The following NOP9 variants were observed in gnomAD, a reference collection of about 807,000 sequenced individuals.
NOP9 encodes the protein NOP9 nucleolar protein.
NOP9 carries 50 observed loss-of-function variants against 63.0 expected under a neutral mutation model. The observed-to-expected ratio is 0.79, with a 90% CI of 0.63 to 1.00. NOP9 has a LOEUF of 1.00. Among genes scored for constraint, NOP9 ranks in the 50% least tolerant of loss-of-function variants. The probability of loss-of-function intolerance (pLI) is 0.00; values close to 1 mark genes in which losing one functional copy is unlikely to be tolerated. For synonymous variants in NOP9, 343 were observed against 332.8 expected (o/e 1.03, Z -0.33); for missense variants, 758 against 803.0 (o/e 0.94, Z 0.68).
At chr14:24,279,911 A>C in the NOP9 span, among the ~76,000 whole-genome samples, 1 of 152,196 alleles carries the variant, frequency 6.6e-6, no homozygotes, top group South Asian at 2.1e-4. Flanking sequence ...ACAAAGTGAG[A>C]CTGTGGGTCC....
At chr14:24,301,532 C>T (rs1412435544) in intron 2 of NOP9, 80 bp from the exon 3 acceptor site, 13 of 1,582,232 alleles carry the variant, frequency 8.2e-6, no homozygotes, top group Non-Finnish European at 1.1e-5. Flanking sequence ...AAGCGGAATC[C>T]TTGTTCATCT....
At chr14:24,281,946 G>A in the NOP9 span, among the ~76,000 whole-genome samples, 4 of 152,200 alleles carry the variant, frequency 2.6e-5, no homozygotes, top group Non-Finnish European at 4.4e-5. Flanking sequence ...AGTGGCTCAC[G>A]CCTGTAATCC....
In NOP9 at chr14:24,303,062, G is replaced by C. The variant is rs971420989; in HGVS notation, c.1144-12G>C. Reference sequence around the variant, plus strand: ...CCAGAATGCCAGAGTTACATTCCATGTTTCCCATCAGCTGTCCCCTGTGTT... The same window carrying C: ...CCAGAATGCCAGAGTTACATTCCATCTTTCCCATCAGCTGTCCCCTGTGTT... On this transcript the variant is annotated splice_polypyrimidine_tract_variant and intron_variant, in intron 5 of 9. Coordinates refer to ENST00000267425, the MANE Select transcript of NOP9 (RefSeq NM_174913.3). The C allele has an allele frequency of 6.6e-7, 1 of 1,507,814 alleles. No individual in the cohort carries two copies. The highest frequency in any genetic ancestry group is 1.4e-5 in the African/African-American group (1 of 69,820). The allele number at this position is 1,507,814 out of a possible 1,614,324, so 93.4% of individuals were successfully genotyped here.
chr14:24,276,455 T>A, the NOP9 span, among the ~76,000 whole-genome samples: 7 of 151,184 alleles, frequency 4.6e-5, no homozygotes, highest in South Asian at 4.2e-4. Flanking sequence ...CTGGCAAATT[T>A]AAAAAAAAAT....
At chr14:24,281,099 TGAGGGGAA>T in the NOP9 span, among the ~76,000 whole-genome samples, 4 of 152,130 alleles carry the variant, frequency 2.6e-5, no homozygotes, top group Non-Finnish European at 5.9e-5. Context: ...CAAAGAACAC[TGAGGGGAA>T]GAGGGGCAGG....
At position 24,306,560 on chromosome 14, in the gene NOP9, T is replaced by C. The variant is rs370762499; in HGVS notation, c.*1465T>C. On this transcript the variant is annotated 3_prime_UTR_variant, in exon 10 of 10. Transcript: ENST00000267425. ...CAAGAAGCAAGAAGGGCAGGTCTTA[T>C]CCCATGCCCCTTCCCTCTTTAGCTG... 1.9e-6 allele frequency: 3 copies of C among 1,613,264 alleles called. No individual in the cohort carries two copies. Among genetic ancestry groups the C allele is most frequent in the Non-Finnish European group, 1.7e-6 (2 of 1,179,226 alleles).
the NOP9 span, among the ~76,000 whole-genome samples, chr14:24,285,725 G>A: frequency 2.6e-5 from 4 of 152,208 alleles, no homozygotes; most frequent in East Asian, 7.7e-4. Flanking sequence ...AATTTATTAC[G>A]TGCCTGTAAT....
chr14:24,291,348 G>C, the NOP9 span: 1 of 1,155,320 alleles, frequency 8.7e-7, no homozygotes, highest in Non-Finnish European at 1.3e-6. Flanking sequence ...CTTTCTCTTG[G>C]GCCTTGGACT....
chr14:24,307,184 A>G lies in NOP9; in HGVS notation c.*2089A>G, dbSNP rs2041537294. On this transcript the variant is annotated 3_prime_UTR_variant, in exon 10 of 10. Transcript: ENST00000267425. ...CTCCTGCTAACCCCTGCTCCCATAG[A>G]AAAGCTCACTCGGTGGAAAATGAAC... is the stretch of plus-strand genomic sequence containing the variant. The G allele has an allele frequency of 3.5e-6, 2 of 573,752 alleles. No individual in the cohort carries two copies. The highest frequency in any genetic ancestry group is 1.9e-5 in the African/African-American group (1 of 52,820). 35.5% of individuals were successfully genotyped at this position (573,752 alleles called of 1,614,324 possible). A position where few individuals can be genotyped will look rare whatever the true frequency, so the allele number is the denominator to read the frequency against.
the NOP9 span, among the ~76,000 whole-genome samples, chr14:24,280,183 C>T: frequency 2.0e-5 from 3 of 152,314 alleles, no homozygotes; most frequent in East Asian, 1.9e-4. Context: ...GCTGTTTAAT[C>T]GAACTTTCTG....
chr14:24,301,231 A>C (rs1299081937), intron 2 of NOP9, among the ~76,000 whole-genome samples: 1 of 152,040 alleles, frequency 6.6e-6, no homozygotes, highest in Non-Finnish European at 1.5e-5. Flanking sequence ...TTTCAAAACT[A>C]TTCTGCTCTA....
chr14:24,303,617 G>A (rs2041418313), intron 6 of NOP9, 115 bp from the exon 7 acceptor site: 3 of 1,058,368 alleles, frequency 2.8e-6, no homozygotes, highest in Non-Finnish European at 4.3e-6. Context: ...TGCTTTCATG[G>A]AGCTAACATT....
At position 24,299,996 on chromosome 14, in the gene NOP9, G is replaced by A. The variant is rs1355406981; in HGVS notation, c.42G>A (p.Arg14=). ...GPRSPHKVGR[R]FPAGGKRGRG... is the part of the protein sequence containing the mutation. ...GCTCTCCACACAAGGTGGGGCGCCG[G>A]TTCCCAGCTGGTGGCAAACGGGGGC... Residue 14 remains arginine, a synonymous_variant, in exon 1 of 10, where the codon CGG becomes CGA. Transcript: ENST00000267425. 1 of 1,598,398 alleles carries A rather than the reference G, an allele frequency of 6.3e-7. No homozygotes were observed. The highest frequency in any genetic ancestry group is 1.3e-5 in the African/African-American group (1 of 74,404).
At chr14:24,302,533 C>G (rs193265829) in intron 5 of NOP9, 109 bp downstream of exon 5, 93 of 1,074,600 alleles carry the variant, frequency 8.7e-5, no homozygotes, top group Middle Eastern at 8.5e-4. Flanking sequence ...TGGCCATTGC[C>G]CTTGAAAAGC....
At chr14:24,284,039 C>G in the NOP9 span, among the ~76,000 whole-genome samples, 1 of 152,204 alleles carries the variant, frequency 6.6e-6, no homozygotes, top group Non-Finnish European at 1.5e-5. Context: ...GAGTGTCAGG[C>G]AGGGAGTCAG....
Position 24,300,730 on chromosome 14 carries a change from G to C in NOP9, c.570G>C (p.Val190=). The C allele has an allele frequency of 6.2e-7, 1 of 1,614,160 alleles. No homozygotes were observed. The highest frequency in any genetic ancestry group is 1.1e-5 in the South Asian group (1 of 91,080). Residue 190 remains valine (V), a synonymous_variant, in exon 2 of 10, where the codon GTG becomes GTC. Coordinates refer to ENST00000267425, the MANE Select transcript of NOP9 (RefSeq NM_174913.3). The part of the protein sequence containing the change: ...EELVLGLAAE[V]CDDFLVYCGD... The stretch of plus-strand genomic sequence containing the variant: ...TGGTCCTGGGACTAGCCGCTGAGGT[G>C]TGTGATGATTTTCTTGTCTACTGTG...
At chr14:24,286,279 G>A in the NOP9 span, among the ~76,000 whole-genome samples, 4 of 152,204 alleles carry the variant, frequency 2.6e-5, no homozygotes, top group Non-Finnish European at 4.4e-5. Context: ...GGTCCCTGTT[G>A]ACTCTGCCTC....
upstream of NOP9, chr14:24,299,490 C>A (rs539815701): frequency 4.6e-6 from 1 of 215,660 alleles, no homozygotes; most frequent in Non-Finnish European, 9.2e-6. Flanking sequence ...TGACCCAGTC[C>A]GGCTGAGCCA....
the NOP9 span, chr14:24,292,776 T>G: frequency 9.3e-6 from 15 of 1,611,884 alleles, no homozygotes; most frequent in African/African-American, 1.9e-4. Context: ...TGAGCAAAAG[T>G]AGTGGCCTCT....
Sources: allele counts gnomAD v4.1 joint callset (sites outside exome capture counted in the v4.1 genomes callset), GRCh38; gene constraint gnomAD v4.1.1; transcripts MANE v1.5; gene names NCBI Gene and HGNC (gene_info 2026-07-23, HGNC 2026-07-21).